PCDHGA7: variants seen among roughly 807,000 people sequenced by gnomAD.
PCDHGA7 encodes protocadherin gamma subfamily A, 7, also known as protocadherin gamma-A7.
A neutral mutation model predicts 58.3 loss-of-function variants in PCDHGA7; 44 were observed. The ratio of observed to expected loss-of-function variants is 0.75; its 90% confidence interval spans 0.59 to 0.97. The LOEUF (loss-of-function observed/expected upper bound fraction) is 0.97, where lower values mean the gene tolerates loss of function less well. Ranked by LOEUF, PCDHGA7 falls within the 50% of genes least tolerant of loss-of-function variation. PCDHGA7 has a pLI of 0.00. For synonymous variants in PCDHGA7, 516 were observed against 504.2 expected (o/e 1.02, Z -0.31); for missense variants, 1,266 against 1,188.7 (o/e 1.06, Z -0.96).
At chr5:141,452,528 A>T (rs1592223895) in intron 1 of PCDHGA7, among the ~76,000 whole-genome samples, 1 of 152,206 alleles carries the variant, frequency 6.6e-6, no homozygotes, top group African/African-American at 2.4e-5. Flanking sequence ...CAAAATCGTG[A>T]GTTCATATTG....
chr5:141,394,229 T>C, intron 1 of PCDHGA7: 1 of 1,613,872 alleles, frequency 6.2e-7, no homozygotes, highest in Non-Finnish European at 8.5e-7. Flanking sequence ...CCTCCATCTT[T>C]TCCTTGACTG....
Position 141,487,367 on chromosome 5 carries a change from G to A in PCDHGA7, c.2425-7440G>A. 1 of 1,614,204 alleles carries A rather than the reference G, an allele frequency of 6.2e-7. No individual in the cohort carries two copies. The highest frequency in any genetic ancestry group is 8.5e-7 in the Non-Finnish European group (1 of 1,180,030). ...CACATGCTTTCCTGCTGGCACCTGT[G>A]CCTGTCTCACCAGATCTCGAAGGAG... On this transcript the variant is annotated intron_variant, in intron 1 of 3. Coordinates refer to ENST00000518325, the MANE Select transcript of PCDHGA7 (RefSeq NM_018920.4). This position sits in a 1 kb window ranked among gnomAD's most constrained non-coding sequence, Gnocchi z 5.0.
intron 1 of PCDHGA7, chr5:141,404,553 C>T: frequency 6.2e-7 from 1 of 1,613,766 alleles, no homozygotes; most frequent in Non-Finnish European, 8.5e-7. Context: ...CAGGTGACGG[C>T]AAGTGACAGT....
chr5:141,390,199 G>A (rs753440941), intron 1 of PCDHGA7: 2 of 1,614,054 alleles, frequency 1.2e-6, no homozygotes, highest in South Asian at 2.2e-5. Context: ...GAGCAGTTGA[G>A]TTCAGGACAA....
rs768985461 is a variant in PCDHGA7, at chr5:141,403,714, C to T, written c.2424+18391C>T. ...TTTACCGAGTTAAAGTCCTTGAGAA[C>T]GTGCCCCCAGGCACCTGGCTGCTTA... On this transcript the variant is annotated intron_variant, in intron 1 of 3. Transcript: ENST00000518325. 10 of 1,613,792 alleles carry T rather than the reference C, an allele frequency of 6.2e-6. No homozygotes were observed. In the South Asian group the frequency reaches 6.6e-5, roughly 11 times the overall value.
intron 1 of PCDHGA7, among the ~76,000 whole-genome samples, chr5:141,439,631 A>C (rs1459977985): frequency 2.0e-5 from 3 of 152,214 alleles, no homozygotes; most frequent in Non-Finnish European, 2.9e-5. Context: ...ATCCCCAGAC[A>C]TTCCGGCTTG....
chr5:141,454,351 C>T (rs1406631649), intron 1 of PCDHGA7, among the ~76,000 whole-genome samples: 2 of 152,152 alleles, frequency 1.3e-5, no homozygotes, highest in Non-Finnish European at 2.9e-5. Flanking sequence ...GAAGTTGATC[C>T]AAACTTAGAA....
intron 1 of PCDHGA7, chr5:141,410,288 T>G: frequency 6.2e-7 from 1 of 1,614,044 alleles, no homozygotes; most frequent in Non-Finnish European, 8.5e-7. Context: ...GGTGGTGGCC[T>G]TGGCCTTAAT....
At chr5:141,452,635 T>C (rs1426970634) in intron 1 of PCDHGA7, among the ~76,000 whole-genome samples, 1 of 152,086 alleles carries the variant, frequency 6.6e-6, no homozygotes, top group Non-Finnish European at 1.5e-5. Context: ...GCTATGAATA[T>C]ATTTACTCAT....
At chr5:141,508,483 G>T (rs1186425031) in intron 3 of PCDHGA7, among the ~76,000 whole-genome samples, 2 of 152,154 alleles carry the variant, frequency 1.3e-5, no homozygotes, top group East Asian at 3.9e-4. Context: ...TTACATTCTG[G>T]ATTTCCATAT....
intron 1 of PCDHGA7, chr5:141,394,749 G>C (rs1270810324): frequency 1.2e-6 from 2 of 1,613,424 alleles, no homozygotes; most frequent in Admixed American, 1.7e-5. Context: ...CGTGGTGGCC[G>C]TCCAGGACCA....
intron 1 of PCDHGA7, chr5:141,403,000 A>T: frequency 1.1e-5 from 18 of 1,613,980 alleles, no homozygotes; most frequent in Non-Finnish European, 1.4e-5. Context: ...TAGTCCTGCT[A>T]TGCTCGCTCC....
chr5:141,495,817 T>G (rs2099764054), intron 2 of PCDHGA7, among the ~76,000 whole-genome samples: 1 of 152,110 alleles, frequency 6.6e-6, no homozygotes, highest in African/African-American at 2.4e-5. Context: ...TAGCGCCTTG[T>G]GTTCTTCTAT....
At chr5:141,425,521 C>A (rs2096880944) in intron 1 of PCDHGA7, among the ~76,000 whole-genome samples, 1 of 152,210 alleles carries the variant, frequency 6.6e-6, no homozygotes, top group Non-Finnish European at 1.5e-5. Flanking sequence ...TATGATGAAA[C>A]ATGAAACAAT....
intron 1 of PCDHGA7, among the ~76,000 whole-genome samples, chr5:141,444,312 C>G (rs2098431691): frequency 6.6e-6 from 1 of 151,856 alleles, no homozygotes; most frequent in Non-Finnish European, 1.5e-5. Flanking sequence ...GCTAGGATTA[C>G]AGGCATGTGC....
Position 141,491,670 on chromosome 5 carries a change from C to T in PCDHGA7, c.2425-3137C>T. The T allele has an allele frequency of 2.5e-6, 4 of 1,613,768 alleles. No individual in the cohort carries two copies. Among genetic ancestry groups the T allele is most frequent in the South Asian group, 1.1e-5 (1 of 91,082 alleles). On this transcript the variant is annotated intron_variant, in intron 1 of 3. Coordinates refer to ENST00000518325, the MANE Select transcript of PCDHGA7 (RefSeq NM_018920.4). The surrounding 1 kb of genome is among the most constrained non-coding windows in gnomAD (Gnocchi z 6.9). ...CGCTGGAGCCTGACGCCATCCGGTC[C>T]CGCTCTAATACGCTGCGGGAGCGGA...
intron 1 of PCDHGA7, chr5:141,423,860 G>A: frequency 7.8e-7 from 1 of 1,283,074 alleles, no homozygotes; most frequent in Non-Finnish European, 9.9e-7. Context: ...ACGTTTTTGT[G>A]AAAGTCATTT....
At chr5:141,389,547 G>A in intron 1 of PCDHGA7, 1 of 1,613,252 alleles carries the variant, frequency 6.2e-7, no homozygotes, top group East Asian at 2.2e-5. Context: ...CGACCGCAAC[G>A]ACAATGCGCC....
chr5:141,406,186 C>T (rs1263856724), intron 1 of PCDHGA7, among the ~76,000 whole-genome samples: 2 of 151,978 alleles, frequency 1.3e-5, no homozygotes, highest in South Asian at 2.1e-4. Context: ...AATCCTCCCA[C>T]CTCAGCCTTC....
Sources: gnomAD v4.1 joint callset for allele counts (sites outside exome capture counted in the v4.1 genomes callset) on GRCh38, gnomAD v4.1.1 for gene constraint, Gnocchi (gnomAD v3.1) non-coding constraint, MANE v1.5 for transcripts, NCBI Gene and HGNC (gene_info 2026-07-23, HGNC 2026-07-21) for gene names.